The following BNC2 variants were observed in gnomAD, a reference collection of about 807,000 sequenced individuals.
BNC2 encodes basonuclin zinc finger protein 2.
A neutral mutation model predicts 76.3 loss-of-function variants in BNC2; 20 were observed. The ratio of observed to expected loss-of-function variants is 0.26; its 90% CI spans 0.18 to 0.38. The LOEUF (loss-of-function observed/expected upper bound fraction) is 0.38, where lower values mean the gene tolerates loss of function less well. Ranked by LOEUF, BNC2 falls within the 10% of genes least tolerant of loss-of-function variation. The pLI, the probability that BNC2 is intolerant of heterozygous loss-of-function variation, is 1.00. For missense variants in BNC2, 1,382 were observed against 1,399.8 expected, an observed-to-expected ratio of 0.99 and a Z score of 0.20; for synonymous variants, 582 against 514.8, an observed-to-expected ratio of 1.13 and a Z score of -1.77.
At chr9:16,654,263 T>G (rs1372455331) in intron 3 of BNC2, among the ~76,000 whole-genome samples, 1 of 152,180 alleles carries the variant, frequency 6.6e-6, no homozygotes, top group African/African-American at 2.4e-5. Context: ...CCCAACACCA[T>G]TTATTTTTGT....
intron 5 of BNC2, among the ~76,000 whole-genome samples, chr9:16,521,292 T>C (rs569336677): frequency 6.6e-6 from 1 of 152,216 alleles, no homozygotes; most frequent in Non-Finnish European, 1.5e-5. Flanking sequence ...CTCCCCTGTC[T>C]GGTGCTCCGA....
intron 1 of BNC2, among the ~76,000 whole-genome samples, chr9:16,796,624 GAAGGGA>G (rs1451940932): frequency 6.8e-6 from 1 of 148,118 alleles, no homozygotes; most frequent in Non-Finnish European, 1.5e-5. Flanking sequence ...AAGGGAAAGG[GAAGGGA>G]AAGGGAAAGG....
At chr9:16,783,478 C>T (rs983417791) in intron 1 of BNC2, among the ~76,000 whole-genome samples, 6 of 152,208 alleles carry the variant, frequency 3.9e-5, no homozygotes, top group Non-Finnish European at 7.3e-5. Context: ...GTTATAGCTA[C>T]GCTTACGCTT....
At chr9:16,722,384 G>A (rs528723110) in intron 3 of BNC2, among the ~76,000 whole-genome samples, 20 of 152,174 alleles carry the variant, frequency 1.3e-4, no homozygotes, top group Non-Finnish European at 2.8e-4. Context: ...AATCTGTCCT[G>A]TCACTGCATT....
Position 16,436,944 on chromosome 9 carries a change from G to C in BNC2, c.1250C>G (p.Thr417Ser), listed in dbSNP as rs747202089. The C allele has an allele frequency of 6.2e-7, 1 of 1,614,132 alleles. No individual in the cohort carries two copies. Among genetic ancestry groups the C allele is most frequent in the Non-Finnish European group, 8.5e-7 (1 of 1,180,030 alleles). The stretch of plus-strand genomic sequence containing the variant: ...CCGGAATGAGCTTTTTGGGTGTTCA[G>C]TTTTGGTTAGATCACTGACTGGGGC... Reference protein sequence around the residue: ...NSAPVSDLTKTEHPKSSFRIH... With the variant: ...NSAPVSDLTKSEHPKSSFRIH... The change falls in exon 6 of 7, where the codon ACT becomes AGT. Residue 417 changes from threonine to serine, a missense_variant. Thr to Ser is a moderately conservative substitution (Grantham distance 58). Coordinates refer to ENST00000380672, the MANE Select transcript of BNC2 (RefSeq NM_017637.6).
chr9:16,471,803 T>C (rs1587068459), intron 5 of BNC2, among the ~76,000 whole-genome samples: 1 of 152,084 alleles, frequency 6.6e-6, no homozygotes, highest in East Asian at 1.9e-4. Flanking sequence ...CCCACCAAAA[T>C]CTCAACTTGA....
At chr9:16,511,392 T>C (rs1420072525) in intron 5 of BNC2, among the ~76,000 whole-genome samples, 2 of 149,488 alleles carry the variant, frequency 1.3e-5, no homozygotes, top group African/African-American at 2.5e-5. Flanking sequence ...ATCACAGCCA[T>C]GAGCCACCAT....
chr9:16,836,455 T>C (rs112322227), intron 1 of BNC2, among the ~76,000 whole-genome samples: 66 of 151,764 alleles, frequency 4.3e-4, no homozygotes, highest in African/African-American at 1.4e-3. Context: ...TGGCCATGAA[T>C]GTGAAGAAAC....
At chr9:16,747,198 T>C (rs570245278) in intron 1 of BNC2, among the ~76,000 whole-genome samples, 3 of 152,310 alleles carry the variant, frequency 2.0e-5, no homozygotes, top group South Asian at 4.1e-4. Context: ...AAATAATTAA[T>C]TGTCCTTGTA....
At chr9:16,484,084 G>T (rs979198987) in intron 5 of BNC2, among the ~76,000 whole-genome samples, 1 of 152,136 alleles carries the variant, frequency 6.6e-6, no homozygotes, top group Admixed American at 6.5e-5. Flanking sequence ...TGACCCCAAG[G>T]CTTTTGACGT....
intron 5 of BNC2, among the ~76,000 whole-genome samples, chr9:16,524,306 G>A (rs144850485): frequency 3.9e-5 from 6 of 152,242 alleles, no homozygotes; most frequent in African/African-American, 1.2e-4. Context: ...GAGTGAATGG[G>A]GCTTCAGCTC....
intron 6 of BNC2, among the ~76,000 whole-genome samples, chr9:16,433,482 T>C (rs1363893564): frequency 6.6e-6 from 1 of 152,160 alleles, no homozygotes; most frequent in African/African-American, 2.4e-5. Context: ...ATCCTCGTCA[T>C]CCTAGACGCG....
intron 3 of BNC2, among the ~76,000 whole-genome samples, chr9:16,701,395 T>C (rs1823507199): frequency 3.3e-5 from 5 of 152,202 alleles, no homozygotes; most frequent in Admixed American, 3.3e-4. Flanking sequence ...ATCTGTAAAA[T>C]GAAAATATGG....
chr9:16,837,246 C>T (rs1235425746), intron 1 of BNC2, among the ~76,000 whole-genome samples: 1 of 152,340 alleles, frequency 6.6e-6, no homozygotes, highest in South Asian at 2.1e-4. Context: ...TGGCTCATGC[C>T]TGTAATCCCA....
intron 1 of BNC2, among the ~76,000 whole-genome samples, chr9:16,855,303 C>G (rs887902262): frequency 4.6e-5 from 7 of 152,178 alleles, no homozygotes; most frequent in African/African-American, 1.4e-4. Context: ...TAATGAATAT[C>G]CCTTTACCAG....
intron 3 of BNC2, among the ~76,000 whole-genome samples, chr9:16,681,587 AACTC>A (rs1484913170): frequency 4.6e-5 from 7 of 151,974 alleles, no homozygotes; most frequent in African/African-American, 1.4e-4. Flanking sequence ...CACACACACA[AACTC>A]ACACACACAC....
chr9:16,576,029 C>G (rs1819475167), intron 4 of BNC2, among the ~76,000 whole-genome samples: 1 of 152,184 alleles, frequency 6.6e-6, no homozygotes, highest in Non-Finnish European at 1.5e-5. Flanking sequence ...TGTTTCTGAA[C>G]AAAGCCCTAG....
intron 3 of BNC2, among the ~76,000 whole-genome samples, chr9:16,609,783 T>C (rs983498112): frequency 6.6e-6 from 1 of 152,180 alleles, no homozygotes; most frequent in Non-Finnish European, 1.5e-5. Context: ...TTGACAAAAC[T>C]GTTGCTCTTC....
intron 1 of BNC2, among the ~76,000 whole-genome samples, chr9:16,803,276 G>A (rs888634602): frequency 2.0e-5 from 3 of 152,158 alleles, no homozygotes; most frequent in Admixed American, 6.5e-5. Flanking sequence ...ACAATTCTGA[G>A]GACAGTGCTG....
Sources: gnomAD v4.1 joint callset for allele counts (sites outside exome capture counted in the v4.1 genomes callset) on GRCh38, gnomAD v4.1.1 for gene constraint, MANE v1.5 for transcripts, NCBI Gene and HGNC (gene_info 2026-07-23, HGNC 2026-07-21) for gene names.